The following ALG12 variants were observed in gnomAD, a reference collection of about 807,000 sequenced individuals.
ALG12 encodes the protein ALG12 alpha-1,6-mannosyltransferase.
A neutral mutation model predicts 46.0 loss-of-function variants in ALG12; 36 were observed. The observed-to-expected ratio is 0.78, with a 90% CI of 0.60 to 1.03. ALG12 has a LOEUF of 1.03. Among genes scored for constraint, ALG12 ranks in the 50% least tolerant of loss-of-function variants. ALG12 has a pLI of 0.00. For synonymous variants in ALG12, 326 were observed against 291.6 expected (o/e 1.12, Z -1.20); for missense variants, 599 against 633.5 (o/e 0.95, Z 0.58).
chr22:49,885,577 T>C, the ALG12 span: 1 of 1,603,344 alleles, frequency 6.2e-7, no homozygotes, highest in Non-Finnish European at 8.5e-7. Flanking sequence ...ATCAGGCGCT[T>C]CCTCTTTTGA....
chr22:49,892,529 C>G, the ALG12 span, among the ~76,000 whole-genome samples: 2 of 152,194 alleles, frequency 1.3e-5, no homozygotes, highest in Non-Finnish European at 2.9e-5. Context: ...GTGCTTGAGG[C>G]AAGAGGCTTG....
At chr22:49,885,000 C>T in the ALG12 span, 1 of 1,613,404 alleles carries the variant, frequency 6.2e-7, no homozygotes, top group Non-Finnish European at 8.5e-7. Context: ...CTGGCGCCAT[C>T]TTCCAGCAGA....
the ALG12 span, among the ~76,000 whole-genome samples, chr22:49,862,006 A>G: frequency 3.9e-5 from 6 of 152,228 alleles, no homozygotes; most frequent in Admixed American, 3.9e-4. Context: ...AACAGAGGGC[A>G]TTACTAAGCA....
At chr22:49,869,134 A>AG in the ALG12 span, among the ~76,000 whole-genome samples, 2 of 151,784 alleles carry the variant, frequency 1.3e-5, no homozygotes, top group African/African-American at 2.4e-5. Context: ...AAAAAAAAAA[A>AG]AAAGAAAAAT....
chr22:49,882,943 C>T, the ALG12 span, among the ~76,000 whole-genome samples: 1 of 152,198 alleles, frequency 6.6e-6, no homozygotes, highest in Non-Finnish European at 1.5e-5. Context: ...ATCAGGTCTT[C>T]TAGCAAGGAA....
the ALG12 span, among the ~76,000 whole-genome samples, chr22:49,894,024 G>T: frequency 1.3e-5 from 2 of 152,114 alleles, no homozygotes; most frequent in Non-Finnish European, 2.9e-5. Flanking sequence ...AATTAACTGG[G>T]CCTGGTGACG....
the ALG12 span, among the ~76,000 whole-genome samples, chr22:49,879,598 C>T: frequency 6.9e-6 from 1 of 145,860 alleles, no homozygotes. Flanking sequence ...AGTGTCTGGG[C>T]GTGTTTCTAT....
Position 49,910,065 on chromosome 22 carries a change from G to A in ALG12, c.493C>T (p.Leu165=), listed in dbSNP as rs778040010. 3.0e-5 allele frequency: 49 copies of A among 1,610,870 alleles called. No individual in the cohort carries two copies. In the South Asian group the frequency reaches 5.1e-4, roughly 17 times the overall value. ...PVVLLALAAW[L]RHEWARFIWL... is the part of the protein sequence containing the mutation. ...ATGAAGCGGGCCCACTCGTGCCGCA[G>A]CCAGGCCGCGAGGGCCAGCAGGACT... The change falls in exon 5 of 10, where the codon CTG becomes TTG. Residue 165 remains leucine, a synonymous_variant. Coordinates refer to ENST00000330817, the MANE Select transcript of ALG12 (RefSeq NM_024105.4).
At chr22:49,871,761 T>TTTATTTA in the ALG12 span, among the ~76,000 whole-genome samples, 23 of 40,798 alleles carry the variant, frequency 5.6e-4, no homozygotes, top group African/African-American at 1.1e-3. Flanking sequence ...TTATTTATTT[T>TTTATTTA]TTTTTTTTTT....
the ALG12 span, among the ~76,000 whole-genome samples, chr22:49,864,086 C>T: frequency 3.3e-5 from 5 of 152,166 alleles, no homozygotes; most frequent in African/African-American, 1.2e-4. Flanking sequence ...GTTTCAAAAC[C>T]ACAGTCTGCA....
the ALG12 span, chr22:49,890,012 T>C: frequency 6.0e-6 from 1 of 167,076 alleles, no homozygotes. Context: ...GAAGGGACTT[T>C]AAAAAATTTG....
the ALG12 span, chr22:49,883,403 C>T: frequency 4.1e-3 from 1,399 of 340,894 alleles, 19 homozygotes; most frequent in African/African-American, 0.026. Context: ...ACCAGAAGCA[C>T]GTCTCTGCTG....
chr22:49,885,536 C>T, the ALG12 span: 118 of 1,607,640 alleles, frequency 7.3e-5, no homozygotes, highest in African/African-American at 1.1e-3. Context: ...CCCTCCTCTC[C>T]GGACACCCGG....
At chr22:49,884,310 C>T in the ALG12 span, 1 of 1,613,708 alleles carries the variant, frequency 6.2e-7, no homozygotes. Context: ...CGTCTAAGAT[C>T]CCGTCCCCCG....
chr22:49,886,625 C>T, the ALG12 span: 1 of 1,581,444 alleles, frequency 6.3e-7, no homozygotes, highest in Middle Eastern at 1.7e-4. This position sits in a 1 kb window ranked among gnomAD's most constrained non-coding sequence, Gnocchi z 7.7. Flanking sequence ...CTGAAGGAGG[C>T]CATGGTGAGC....
chr22:49,903,849 G>T lies in ALG12; in HGVS notation c.1456C>A (p.Arg486=). 1 of 1,614,040 alleles carries T rather than the reference G, an allele frequency of 6.2e-7. No homozygotes were observed. Residue 486 remains arginine (R), a synonymous_variant, in exon 10 of 10, where the codon CGG becomes AGG. Coordinates refer to ENST00000330817, the MANE Select transcript of ALG12 (RefSeq NM_024105.4). ...CTGCCTGGTCCCCCTCAGGACGGCC[G>T]GGGGAGCCTCTCCAGAAGCACCAGC... ...TKLVLLERLP[R]PS is the part of the protein sequence containing the mutation.
the ALG12 span, among the ~76,000 whole-genome samples, chr22:49,871,501 A>G: frequency 6.6e-6 from 1 of 152,114 alleles, no homozygotes; most frequent in East Asian, 2.0e-4. Context: ...AAAAAAAGTT[A>G]CATTTTCAGT....
chr22:49,889,063 A>G, the ALG12 span: 1 of 167,240 alleles, frequency 6.0e-6, no homozygotes, highest in Non-Finnish European at 1.5e-5. Flanking sequence ...CAGCACAACT[A>G]ACTGTAGCAG....
the ALG12 span, among the ~76,000 whole-genome samples, chr22:49,874,062 C>T: frequency 6.6e-6 from 1 of 152,234 alleles, no homozygotes; most frequent in Non-Finnish European, 1.5e-5. Context: ...TTGTAGAGGC[C>T]TTACAACCTT....
Sources: allele counts gnomAD v4.1 joint callset (sites outside exome capture counted in the v4.1 genomes callset), GRCh38; gene constraint gnomAD v4.1.1; non-coding constraint Gnocchi (gnomAD v3.1); transcripts MANE v1.5; gene names NCBI Gene and HGNC (gene_info 2026-07-23, HGNC 2026-07-21).